The following GREP1 variants were observed in gnomAD, a reference collection of about 807,000 sequenced individuals.
GREP1 encodes glycine rich extracellular protein 1.
At chr16:2,998,714 G>A (rs2072441446) in intron 25 of GREP1, 134 bp from the exon 24 acceptor site, 2 of 398,250 alleles carry the variant, frequency 5.0e-6, no homozygotes, top group Non-Finnish European at 8.8e-6. Context: ...CCTGGCTAAT[G>A]TCCCCCTAAG....
intron 19 of GREP1, 45 bp downstream of exon 18, chr16:2,996,576 C>A (rs551591958): frequency 1.4e-4 from 56 of 399,224 alleles, no homozygotes; most frequent in Non-Finnish European, 2.0e-4. Context: ...GGAGGTGGGA[C>A]GGGAAGAGAG....
chr16:2,997,471 GCCT>G (rs1260634119), intron 22 of GREP1: 2 of 399,048 alleles, frequency 5.0e-6, no homozygotes, highest in Admixed American at 4.4e-5. Context: ...AGAGGTGGGG[GCCT>G]GGCTCTCCCC....
chr16:3,000,159 T>A, intron 29 of GREP1, 41 bp downstream of exon 26: 1 of 399,180 alleles, frequency 2.5e-6, no homozygotes, highest in East Asian at 3.6e-5. Flanking sequence ...GAGCGGAAGC[T>A]GGCATCTCCC....
intron 10 of GREP1, 151 bp downstream of exon 11, chr16:2,993,114 G>A: frequency 2.5e-6 from 1 of 394,696 alleles, no homozygotes. Context: ...CCTGGGAGCT[G>A]GAACCCAGGC....
chr16:2,995,050 G>A, intron 13 of GREP1, 88 bp downstream of exon 14: 1 of 398,516 alleles, frequency 2.5e-6, no homozygotes, highest in Non-Finnish European at 4.4e-6. Context: ...ATGGAGAGGG[G>A]TGACGGGGCG....
At chr16:3,001,435 G>T in intron 34 of GREP1, 101 bp downstream of exon 28, 1 of 399,126 alleles carries the variant, frequency 2.5e-6, no homozygotes, top group Non-Finnish European at 4.4e-6. Context: ...AAGGATAGCA[G>T]GTTCTGCCAC....
At chr16:3,000,196 G>A (rs557159483) in intron 29 of GREP1, 78 bp downstream of exon 26, 8 of 399,206 alleles carry the variant, frequency 2.0e-5, no homozygotes, top group South Asian at 2.5e-4. Flanking sequence ...CTGTCTGTCC[G>A]CATCCCCCTG....
intron 7 of GREP1, 61 bp from the exon 7 acceptor site, chr16:2,990,982 TCTGTC>T: frequency 2.5e-6 from 1 of 399,136 alleles, no homozygotes; most frequent in Non-Finnish European, 4.4e-6. Context: ...CTTCCCACCC[TCTGTC>T]TCTGTCTCTG....
At chr16:3,001,703 G>T in exon 35 of GREP1, 1 of 398,816 alleles carries the variant, frequency 2.5e-6, no homozygotes, top group Non-Finnish European at 4.4e-6. Context: ...TTCCCTGCTT[G>T]CCTCCGCGTG....
chr16:3,000,295 T>C (rs2072453252), exon 30 of GREP1: 2 of 399,224 alleles, frequency 5.0e-6, no homozygotes, highest in Non-Finnish European at 8.8e-6. Flanking sequence ...CCTGCAGGTT[T>C]AGGTTATGGG....
chr16:2,997,592 TA>T (rs1343390611), intron 22 of GREP1, among the ~76,000 whole-genome samples: 2 of 151,720 alleles, frequency 1.3e-5, no homozygotes, highest in African/African-American at 4.8e-5. Context: ...CTCCAGTTCC[TA>T]AATTGGGAGG....
chr16:2,996,569 G>A (rs1168799417), intron 19 of GREP1, 38 bp downstream of exon 18: 11 of 399,300 alleles, frequency 2.8e-5, no homozygotes, highest in Admixed American at 8.8e-5. Context: ...GGGGTCGGGA[G>A]GTGGGACGGG....
intron 2 of GREP1, 193 bp downstream of exon 2, chr16:2,988,815 TC>T (rs1411128385): frequency 7.6e-6 from 3 of 395,116 alleles, no homozygotes; most frequent in Non-Finnish European, 1.3e-5. Context: ...CTCAGAAGAG[TC>T]TCCCGGGGCA....
At chr16:2,990,474 A>G (rs1596461120) in exon 6 of GREP1, 1 of 398,732 alleles carries the variant, frequency 2.5e-6, no homozygotes, top group East Asian at 3.6e-5. Context: ...GGGGCATGAA[A>G]CCCCAAAACC....
chr16:2,998,460 T>A (rs1243369983), intron 24 of GREP1, 34 bp from the exon 23 acceptor site: 2 of 399,166 alleles, frequency 5.0e-6, no homozygotes, highest in Non-Finnish European at 8.8e-6. Context: ...CTGCCCCCAG[T>A]GTTGCCACAC....
intron 5 of GREP1, 109 bp from the exon 6 acceptor site, chr16:2,990,443 T>G (rs1411211178): frequency 2.5e-6 from 1 of 398,830 alleles, no homozygotes; most frequent in Non-Finnish European, 4.4e-6. Context: ...CTGATCCCCC[T>G]CTCTTTCCCA....
intron 29 of GREP1, 23 bp downstream of exon 26, chr16:3,000,141 C>A (rs1018172088): frequency 1.3e-5 from 5 of 399,058 alleles, no homozygotes; most frequent in Non-Finnish European, 2.2e-5. Flanking sequence ...GGGCCCCCGA[C>A]CCATGTTGAG....
chr16:2,999,842 G>C (rs2072449789), intron 27 of GREP1, 60 bp from the exon 25 acceptor site: 1 of 398,852 alleles, frequency 2.5e-6, no homozygotes, highest in Non-Finnish European at 4.4e-6. Context: ...GTCGATCTTT[G>C]GCCTCCAAGG....
chr16:3,001,638 GGC>G, exon 35 of GREP1: 1 of 399,158 alleles, frequency 2.5e-6, no homozygotes, highest in Non-Finnish European at 4.4e-6. Flanking sequence ...CCTTGGGCTT[GGC>G]CTCTGGTGCT....
Sources: allele counts gnomAD v4.1 joint callset (sites outside exome capture counted in the v4.1 genomes callset), GRCh38; gene constraint gnomAD v4.1.1; transcripts MANE v1.5; gene names NCBI Gene and HGNC (gene_info 2026-07-23, HGNC 2026-07-21).